MAST4: variants seen among roughly 807,000 people sequenced by gnomAD.
MAST4 encodes microtubule associated serine/threonine kinase family member 4, also known as microtubule-associated serine/threonine-protein kinase 4.
MAST4 carries 89 observed loss-of-function variants against 162.7 expected under a neutral mutation model. The ratio of observed to expected loss-of-function variants is 0.55; its 90% confidence interval spans 0.46 to 0.65. MAST4 has a LOEUF of 0.65. Among genes scored for constraint, MAST4 ranks in the 30% least tolerant of loss-of-function variants. MAST4 has a pLI of 0.00. For missense variants in MAST4, 3,153 were observed against 3,374.0 expected (o/e 0.93, Z 1.62); for synonymous variants, 1,479 against 1,361.1 (o/e 1.09, Z -1.91).
chr5:66,962,561 A>T (rs1561483422), intron 4 of MAST4, among the ~76,000 whole-genome samples: 1 of 152,216 alleles, frequency 6.6e-6, no homozygotes, highest in Non-Finnish European at 1.5e-5. Context: ...TACAAAAATT[A>T]GCCAGGTATG....
intron 4 of MAST4, among the ~76,000 whole-genome samples, chr5:67,039,851 A>G (rs935641608): frequency 9.2e-5 from 14 of 152,120 alleles, no homozygotes; most frequent in African/African-American, 3.4e-4. Context: ...TAAAGGAATA[A>G]CATCTTGAAA....
Position 67,168,653 on chromosome 5 carries a change from T to C in MAST4, c.*1602T>C, listed in dbSNP as rs1268988913. ...GGGAACCATAGCAGAATTTTTTGTT[T>C]GGTTTTGTAAGAGAAAAAAAATTAC... On this transcript the variant is annotated 3_prime_UTR_variant, in exon 29 of 29. Coordinates refer to ENST00000403625, the MANE Select transcript of MAST4 (RefSeq NM_001164664.2). 6.6e-6 allele frequency: 1 copy of C among 152,168 alleles called. No individual in the cohort carries two copies. Among genetic ancestry groups the C allele is most frequent in the Non-Finnish European group, 1.5e-5 (1 of 68,022 alleles). The allele number at this position is 152,168 out of a possible 1,614,324, so 9.4% of individuals were successfully genotyped here.
At chr5:66,965,600 G>A (rs1161225440) in intron 4 of MAST4, among the ~76,000 whole-genome samples, 4 of 117,182 alleles carry the variant, frequency 3.4e-5, no homozygotes, top group Non-Finnish European at 3.6e-5. Context: ...GGGGGGGGGC[G>A]GTGAAGGATA....
At chr5:66,834,767 G>T (rs1052796819) in intron 3 of MAST4, among the ~76,000 whole-genome samples, 11 of 152,144 alleles carry the variant, frequency 7.2e-5, no homozygotes, top group Middle Eastern at 3.2e-3. Flanking sequence ...TCTCCAATCA[G>T]ACTCTTAATC....
intron 3 of MAST4, among the ~76,000 whole-genome samples, chr5:66,850,982 C>G (rs1049036693): frequency 1.8e-4 from 23 of 129,962 alleles, no homozygotes; most frequent in Admixed American, 9.5e-4. Context: ...AATGTGTTCT[C>G]TTATAATGGA....
At chr5:67,092,939 T>G (rs1764028869) in intron 6 of MAST4, among the ~76,000 whole-genome samples, 1 of 152,218 alleles carries the variant, frequency 6.6e-6, no homozygotes, top group Non-Finnish European at 1.5e-5. Flanking sequence ...CAGTTACACC[T>G]TCAGAATTCT....
At chr5:66,879,277 TC>T (rs1288330000) in intron 3 of MAST4, among the ~76,000 whole-genome samples, 2 of 24,732 alleles carry the variant, frequency 8.1e-5, no homozygotes, top group African/African-American at 3.4e-4. Flanking sequence ...AGACTCCGTC[TC>T]AAAAAAAAAG....
intron 1 of MAST4, among the ~76,000 whole-genome samples, chr5:66,660,256 T>C (rs1366568940): frequency 1.3e-5 from 2 of 152,114 alleles, no homozygotes; most frequent in Admixed American, 1.3e-4. Flanking sequence ...GGCATGCTGG[T>C]GCATGCCTGT....
intron 1 of MAST4, among the ~76,000 whole-genome samples, chr5:66,670,460 G>C (rs1243255469): frequency 6.6e-6 from 1 of 152,010 alleles, no homozygotes; most frequent in Admixed American, 6.6e-5. Context: ...TTATAAATCA[G>C]GATTGTGGAA....
At chr5:67,093,572 C>CTG (rs1368172652) in intron 6 of MAST4, 2 of 434,552 alleles carry the variant, frequency 4.6e-6, no homozygotes, top group Middle Eastern at 3.3e-4. Context: ...TGGTCCCTGG[C>CTG]TGTACAGAGT....
intron 5 of MAST4, among the ~76,000 whole-genome samples, chr5:67,059,793 C>G (rs1759320934): frequency 6.6e-6 from 1 of 152,120 alleles, no homozygotes; most frequent in South Asian, 2.1e-4. Flanking sequence ...CCCTAAATCT[C>G]TGTCTATGTG....
chr5:66,628,484 A>C (rs1309175490), intron 1 of MAST4, among the ~76,000 whole-genome samples: 1 of 152,124 alleles, frequency 6.6e-6, no homozygotes, highest in Non-Finnish European at 1.5e-5. Context: ...TAACGCACTC[A>C]GGCTGAATTC....
At chr5:67,135,709 A>T (rs1451684589) in intron 18 of MAST4, among the ~76,000 whole-genome samples, 1 of 152,244 alleles carries the variant, frequency 6.6e-6, no homozygotes, top group Admixed American at 6.5e-5. Context: ...CTGAATGGCA[A>T]AGGGAATCAA....
intron 3 of MAST4, among the ~76,000 whole-genome samples, chr5:66,807,218 C>T (rs1489051999): frequency 4.6e-5 from 7 of 152,286 alleles, no homozygotes; most frequent in African/African-American, 1.2e-4. Context: ...TACAATTGGC[C>T]GGGTGCGGTG....
In MAST4 at chr5:66,597,004, G is replaced by T; in HGVS notation, c.349G>T (p.Glu117Ter). 1 of 1,449,770 alleles carries T rather than the reference G, an allele frequency of 6.9e-7. No homozygotes were observed. Among genetic ancestry groups the T allele is most frequent in the South Asian group, 1.4e-5 (1 of 73,298 alleles). 89.8% of individuals were successfully genotyped at this position (1,449,770 alleles called of 1,614,324 possible). A position where few individuals can be genotyped will look rare whatever the true frequency, so the allele number is the denominator to read the frequency against. The change falls in exon 1 of 29, where the codon GAG (glutamate) becomes TAG (stop). Residue 117 changes from glutamate to a stop codon, truncating the protein, a stop_gained. Transcript: ENST00000403625. LOFTEE classifies it high-confidence loss of function. ...APRGSSASQE[E>*]QDEELDHILS... ...CCGGGGCAGCAGCGCGTCCCAGGAGGAGCAGGACGAGGAGGTGGGCCTTTC... is the reference window on the plus strand; with the variant it reads ...CCGGGGCAGCAGCGCGTCCCAGGAGTAGCAGGACGAGGAGGTGGGCCTTTC...
chr5:67,078,366 C>T (rs919956743), intron 5 of MAST4, among the ~76,000 whole-genome samples: 5 of 145,830 alleles, frequency 3.4e-5, no homozygotes, highest in African/African-American at 1.3e-4. Context: ...AAAAGACTAA[C>T]AGAAGAACTC....
intron 3 of MAST4, among the ~76,000 whole-genome samples, chr5:66,888,482 CA>C (rs1762177760): frequency 6.6e-6 from 1 of 152,176 alleles, no homozygotes; most frequent in Non-Finnish European, 1.5e-5. Flanking sequence ...TTAATCTCAG[CA>C]GAGTAAATTC....
At chr5:67,062,490 G>T (rs940850640) in intron 5 of MAST4, among the ~76,000 whole-genome samples, 3 of 152,122 alleles carry the variant, frequency 2.0e-5, no homozygotes, top group African/African-American at 7.2e-5. Flanking sequence ...GCCTTCAGCA[G>T]ATTTTCCATG....
chr5:67,082,139 C>T (rs1046448740), intron 5 of MAST4, among the ~76,000 whole-genome samples: 4 of 150,340 alleles, frequency 2.7e-5, no homozygotes, highest in South Asian at 4.2e-4. Context: ...AAAACAACTA[C>T]CTGTAATCTT....
Sources: gnomAD v4.1 joint callset for allele counts (sites outside exome capture counted in the v4.1 genomes callset) on GRCh38, gnomAD v4.1.1 for gene constraint, MANE v1.5 for transcripts, NCBI Gene and HGNC (gene_info 2026-07-23, HGNC 2026-07-21) for gene names.